CCDC7: variants seen among roughly 807,000 people sequenced by gnomAD.
The protein encoded by CCDC7 is coiled-coil domain-containing protein 7.
A neutral mutation model predicts 196.9 loss-of-function variants in CCDC7; 183 were observed. That is an observed-to-expected ratio of 0.93 (90% CI 0.82 to 1.05). CCDC7 has a LOEUF of 1.05. Among genes scored for constraint, CCDC7 ranks in the 50% least tolerant of loss-of-function variants. The probability of loss-of-function intolerance (pLI) is 0.00; values close to 1 mark genes in which losing one functional copy is unlikely to be tolerated. For synonymous variants in CCDC7, 525 were observed against 484.6 expected, an observed-to-expected ratio of 1.08 and a Z score of -1.10; for missense variants, 1,540 against 1,482.2, an observed-to-expected ratio of 1.04 and a Z score of -0.64.
chr10:32,619,044 G>C (rs185412393), intron 18 of CCDC7, among the ~76,000 whole-genome samples: 1 of 151,720 alleles, frequency 6.6e-6, no homozygotes, highest in African/African-American at 2.4e-5. Flanking sequence ...GCTTTTGAAT[G>C]TATTTAATAT....
intron 32 of CCDC7, among the ~76,000 whole-genome samples, chr10:32,834,248 T>C (rs2092431278): frequency 6.6e-6 from 1 of 152,082 alleles, no homozygotes; most frequent in Non-Finnish European, 1.5e-5. Context: ...AATTTGTAGT[T>C]ACATAACATA....
chr10:32,662,536 AATG>A (rs1246684323), intron 20 of CCDC7, among the ~76,000 whole-genome samples: 11 of 150,106 alleles, frequency 7.3e-5, no homozygotes, highest in Admixed American at 7.3e-4. Context: ...ATGACTATTA[AATG>A]ATGATAAGCA....
exon 29 of CCDC7, chr10:32,779,082 T>C: frequency 1.3e-6 from 2 of 1,536,622 alleles, no homozygotes; most frequent in Non-Finnish European, 1.8e-6. Context: ...AACAAAGTGG[T>C]CGGTAAGTAT....
chr10:32,453,588 T>G (rs2033637743), intron 2 of CCDC7, 152 bp downstream of exon 3: 1 of 589,876 alleles, frequency 1.7e-6, no homozygotes, highest in Non-Finnish European at 2.4e-6. Context: ...CTTAGAAAAT[T>G]ACTCAACCCA....
intron 20 of CCDC7, among the ~76,000 whole-genome samples, chr10:32,638,967 T>A (rs1403461366): frequency 2.0e-5 from 3 of 152,152 alleles, no homozygotes; most frequent in Admixed American, 6.5e-5. Flanking sequence ...GGGAGGATGT[T>A]TGTTTTGAAG....
chr10:32,504,157 G>A (rs538737839), intron 9 of CCDC7, among the ~76,000 whole-genome samples: 18 of 117,304 alleles, frequency 1.5e-4, no homozygotes, highest in East Asian at 8.9e-4. Context: ...TTGCTCTGTC[G>A]CCCAGGCTGG....
At chr10:32,481,527 T>C (rs2039960158) in intron 8 of CCDC7, among the ~76,000 whole-genome samples, 1 of 152,224 alleles carries the variant, frequency 6.6e-6, no homozygotes, top group Non-Finnish European at 1.5e-5. Flanking sequence ...TTTTGTTTTT[T>C]ACCCTTTATT....
intron 24 of CCDC7, among the ~76,000 whole-genome samples, chr10:32,700,821 T>C (rs1387826235): frequency 6.6e-6 from 1 of 152,216 alleles, no homozygotes; most frequent in Admixed American, 6.5e-5. Flanking sequence ...GAAGCAAATG[T>C]GAATGGGAAT....
chr10:32,511,829 A>G, intron 9 of CCDC7: 1 of 823,020 alleles, frequency 1.2e-6, no homozygotes, highest in Non-Finnish European at 2.0e-6. Flanking sequence ...TGCCCGCGCC[A>G]CCAGCGGCGC....
At chr10:32,714,099 T>C (rs1249536669) in intron 25 of CCDC7, among the ~76,000 whole-genome samples, 1 of 152,186 alleles carries the variant, frequency 6.6e-6, no homozygotes, top group Non-Finnish European at 1.5e-5. Flanking sequence ...CTGGGGGCTA[T>C]ATTCCCAGGC....
intron 9 of CCDC7, chr10:32,511,853 C>G: frequency 2.9e-6 from 2 of 680,990 alleles, no homozygotes; most frequent in Non-Finnish European, 5.3e-6. Flanking sequence ...CCGATGATCT[C>G]ACCAATGTAT....
At chr10:32,716,344 A>G (rs1204984305) in intron 25 of CCDC7, among the ~76,000 whole-genome samples, 4 of 152,218 alleles carry the variant, frequency 2.6e-5, no homozygotes. Flanking sequence ...AGACAAGCAA[A>G]TGCTGAGAGA....
At position 32,656,591 on chromosome 10, in the gene CCDC7, G is replaced by A. The variant is rs117619863; in HGVS notation, c.2015-7463G>A. On this transcript the variant is annotated intron_variant, in intron 20 of 41. Coordinates refer to ENST00000639629, the Ensembl canonical transcript of CCDC7. ...GTGATAACTCACAATCATGAGAATA[G>A]CATGGGGGTAACTGCCCCCGTGATT... Among the ~76,000 whole-genome samples, 126 of 152,236 alleles carry A rather than the reference G, an allele frequency of 8.3e-4. 3 individuals carry two copies. In the East Asian group the frequency reaches 0.021, roughly 25 times the overall value.
intron 30 of CCDC7, among the ~76,000 whole-genome samples, chr10:32,807,373 A>G (rs1414754291): frequency 6.6e-6 from 1 of 152,196 alleles, no homozygotes; most frequent in Admixed American, 6.5e-5. Flanking sequence ...GATGGTTGAG[A>G]GAAATGATGT....
chr10:32,479,330 G>C (rs1456154695), intron 8 of CCDC7, among the ~76,000 whole-genome samples: 1 of 152,040 alleles, frequency 6.6e-6, no homozygotes, highest in Non-Finnish European at 1.5e-5. Context: ...ACTTTTCACT[G>C]TTGACTGTGT....
intron 21 of CCDC7, among the ~76,000 whole-genome samples, chr10:32,672,131 G>A (rs1333809509): frequency 1.3e-5 from 2 of 152,080 alleles, no homozygotes; most frequent in Non-Finnish European, 2.9e-5. Context: ...CATGGTTCTG[G>A]GACCCAGGGC....
At chr10:32,870,315 T>G (rs1393713855) in intron 41 of CCDC7, among the ~76,000 whole-genome samples, 2 of 152,156 alleles carry the variant, frequency 1.3e-5, no homozygotes, top group Non-Finnish European at 2.9e-5. Flanking sequence ...GTCCTTCACA[T>G]CCCTTATAAG....
At chr10:32,776,917 C>T (rs11009078) in intron 28 of CCDC7, among the ~76,000 whole-genome samples, 51,796 of 151,840 alleles carry the variant, frequency 0.34, 11,281 homozygotes, top group Non-Finnish European at 0.49. Context: ...ACTTTTTCAG[C>T]TTCTATCTTA....
At chr10:32,743,639 G>C (rs549773937) in intron 28 of CCDC7, among the ~76,000 whole-genome samples, 4 of 152,186 alleles carry the variant, frequency 2.6e-5, no homozygotes, top group African/African-American at 9.6e-5. Flanking sequence ...CCATTACTGG[G>C]TATATACCCA....
Sources: gnomAD v4.1 joint callset for allele counts (sites outside exome capture counted in the v4.1 genomes callset) on GRCh38, gnomAD v4.1.1 for gene constraint, MANE v1.5 for transcripts, NCBI Gene and HGNC (gene_info 2026-07-23, HGNC 2026-07-21) for gene names.